The following RORA variants were observed in gnomAD, a reference collection of about 807,000 sequenced individuals.
The protein encoded by RORA is RAR related orphan receptor A.
RORA carries 7 observed loss-of-function variants against 69.5 expected under a neutral mutation model. The ratio of observed to expected loss-of-function variants is 0.10; its 90% confidence interval spans 0.06 to 0.19. The LOEUF (loss-of-function observed/expected upper bound fraction) is 0.19, where lower values mean the gene tolerates loss of function less well. RORA is among the 10% of genes least tolerant of loss of function. The pLI is 1.00. For missense variants in RORA, 457 were observed against 663.0 expected, an observed-to-expected ratio of 0.69 and a Z score of 3.41; for synonymous variants, 261 against 240.8, an observed-to-expected ratio of 1.08 and a Z score of -0.78.
At chr15:60,812,348 T>C (rs2072756204) in intron 1 of RORA, among the ~76,000 whole-genome samples, 1 of 152,022 alleles carries the variant, frequency 6.6e-6, no homozygotes, top group African/African-American at 2.4e-5. Flanking sequence ...TACAAATATA[T>C]ATATTTTTAA....
intron 2 of RORA, among the ~76,000 whole-genome samples, chr15:60,546,950 T>C (rs887741233): frequency 6.6e-6 from 1 of 152,214 alleles, no homozygotes; most frequent in Non-Finnish European, 1.5e-5. Flanking sequence ...CACTCACTGC[T>C]TGCGTAGCAT....
rs946402527 is a variant in RORA at position 61,061,336 on chromosome 15, A to T, written c.166+167717T>A. Among the ~76,000 whole-genome samples the T allele has an allele frequency of 6.6e-6, 1 of 151,020 alleles. No homozygotes were observed. Among genetic ancestry groups the T allele is most frequent in the African/African-American group, 2.5e-5 (1 of 40,796 alleles). On this transcript the variant is annotated intron_variant, in intron 1 of 10. Transcript: ENST00000335670. This position sits in a 1 kb window ranked among gnomAD's most constrained non-coding sequence, Gnocchi z 4.4. ...CCACTGCAGGCGTGCAGGGAGACAG[A>T]GCGAGGCTCTATCTTAAAAAATAAA...
At chr15:60,551,161 A>G (rs1181597111) in intron 2 of RORA, among the ~76,000 whole-genome samples, 2 of 152,172 alleles carry the variant, frequency 1.3e-5, no homozygotes, top group Non-Finnish European at 2.9e-5. Flanking sequence ...GACTATATCT[A>G]GGCACATTTA....
chr15:60,992,374 G>A (rs1377685370), intron 1 of RORA, among the ~76,000 whole-genome samples: 1 of 151,378 alleles, frequency 6.6e-6, no homozygotes, highest in Non-Finnish European at 1.5e-5. Flanking sequence ...CTAGGTACTT[G>A]TATTTCCTAT....
chr15:61,089,590 T>A (rs2078674630), intron 1 of RORA, among the ~76,000 whole-genome samples: 1 of 152,058 alleles, frequency 6.6e-6, no homozygotes, highest in African/African-American at 2.4e-5. Context: ...TTCTAAAAGG[T>A]CTCTAGACAG....
At chr15:60,991,376 T>G (rs16943448) in intron 1 of RORA, among the ~76,000 whole-genome samples, 34,575 of 152,024 alleles carry the variant, frequency 0.23, 4,887 homozygotes, top group African/African-American at 0.4. Flanking sequence ...AAATGTGGGT[T>G]TTCAAGGAGG....
intron 1 of RORA, among the ~76,000 whole-genome samples, chr15:61,086,487 T>C (rs4774386): frequency 0.22 from 33,202 of 152,106 alleles, 4,288 homozygotes; most frequent in African/African-American, 0.34. Context: ...ATCTTTGCTA[T>C]ATTGAGTCAC....
At chr15:60,868,105 A>C (rs1567219602) in intron 1 of RORA, among the ~76,000 whole-genome samples, 1 of 152,224 alleles carries the variant, frequency 6.6e-6, no homozygotes, top group Non-Finnish European at 1.5e-5. Context: ...ATTTGTTTAA[A>C]TCTAAAATGC....
In RORA at chr15:60,871,037, C is replaced by G. The variant is rs148326019; in HGVS notation, c.167-192351G>C. On this transcript the variant is annotated intron_variant, in intron 1 of 10. Coordinates refer to ENST00000335670, the MANE Select transcript of RORA (RefSeq NM_134261.3). ...AGGTTTGATACTCATGCAAACACAG[C>G]CAGATCCTCTTTTCTCTAAAGTGAG... Among the ~76,000 whole-genome samples, 300 of 152,306 alleles carry G rather than the reference C, an allele frequency of 2.0e-3. 2 individuals are homozygous for G. Among genetic ancestry groups the G allele is most frequent in the African/African-American group, 7.0e-3 (289 of 41,568 alleles).
intron 1 of RORA, among the ~76,000 whole-genome samples, chr15:60,811,913 T>A (rs1393417588): frequency 6.6e-6 from 1 of 152,228 alleles, no homozygotes; most frequent in Non-Finnish European, 1.5e-5. Context: ...AGGTTATTTA[T>A]GCAAGTTGAA....
At chr15:60,695,385 C>G (rs2070887932) in intron 1 of RORA, among the ~76,000 whole-genome samples, 2 of 151,980 alleles carry the variant, frequency 1.3e-5, no homozygotes, top group Admixed American at 1.3e-4. Flanking sequence ...TTGAGGGTGC[C>G]AATATCCATC....
intron 1 of RORA, among the ~76,000 whole-genome samples, chr15:60,981,729 G>A (rs1186746248): frequency 6.6e-6 from 1 of 151,832 alleles, no homozygotes; most frequent in African/African-American, 2.4e-5. Flanking sequence ...TTTAGACTTA[G>A]TTTCAGCTTT....
intron 1 of RORA, among the ~76,000 whole-genome samples, chr15:61,217,195 A>C (rs1390913363): frequency 6.6e-6 from 1 of 152,198 alleles, no homozygotes; most frequent in Non-Finnish European, 1.5e-5. Flanking sequence ...TATTTTATGC[A>C]AGGTATCGTG....
At chr15:60,570,448 A>T (rs973391307) in intron 2 of RORA, among the ~76,000 whole-genome samples, 1 of 152,106 alleles carries the variant, frequency 6.6e-6, no homozygotes, top group Non-Finnish European at 1.5e-5. Context: ...CTCCTACCTC[A>T]GTCTCCTGAG....
At chr15:61,188,770 T>C (rs1473895326) in intron 1 of RORA, among the ~76,000 whole-genome samples, 1 of 152,204 alleles carries the variant, frequency 6.6e-6, no homozygotes, top group Non-Finnish European at 1.5e-5. Context: ...CTTCCTTTGA[T>C]AGCAAAGAGG....
chr15:60,800,825 G>C (rs953926667), intron 1 of RORA, among the ~76,000 whole-genome samples: 2 of 152,108 alleles, frequency 1.3e-5, no homozygotes, highest in Non-Finnish European at 2.9e-5. Flanking sequence ...TCTTTCCCCA[G>C]GTCCTTCCTG....
At chr15:61,025,038 G>A (rs1008940101) in intron 1 of RORA, among the ~76,000 whole-genome samples, 2 of 152,064 alleles carry the variant, frequency 1.3e-5, no homozygotes, top group African/African-American at 4.8e-5. Context: ...CAAGGTTTTC[G>A]GTGTTTAAGA....
In RORA at chr15:60,500,023, T is replaced by C; in HGVS notation, c.1295-19A>G. 1 of 1,487,950 alleles carries C rather than the reference T, an allele frequency of 6.7e-7. No homozygotes were observed. The highest frequency in any genetic ancestry group is 9.4e-7 in the Non-Finnish European group (1 of 1,069,424). The allele number at this position is 1,487,950 out of a possible 1,614,324, so 92.2% of individuals were successfully genotyped here. A position where few individuals can be genotyped will look rare whatever the true frequency, so the allele number is the denominator to read the frequency against. ...GAGCGATCTAAGCATAAAAAAATGATATTCTTTAGCATTCCTCTGACATGG... is the reference window on the plus strand; with the variant it reads ...GAGCGATCTAAGCATAAAAAAATGACATTCTTTAGCATTCCTCTGACATGG... On this transcript the variant is annotated intron_variant, in intron 9 of 10. Transcript: ENST00000335670.
At chr15:60,592,010 C>G (rs1342771418) in intron 2 of RORA, among the ~76,000 whole-genome samples, 1 of 152,036 alleles carries the variant, frequency 6.6e-6, no homozygotes, top group Non-Finnish European at 1.5e-5. Flanking sequence ...GGGGACCGGC[C>G]GCGGGCGTCC....
Sources: allele counts gnomAD v4.1 joint callset (sites outside exome capture counted in the v4.1 genomes callset), GRCh38; gene constraint gnomAD v4.1.1; non-coding constraint Gnocchi (gnomAD v3.1); transcripts MANE v1.5; gene names NCBI Gene and HGNC (gene_info 2026-07-23, HGNC 2026-07-21).